ACLY: variants seen among roughly 807,000 people sequenced by gnomAD.
ACLY encodes ATP citrate lyase, also known as ATP-citrate synthase.
A neutral mutation model predicts 133.0 loss-of-function variants in ACLY; 41 were observed. The observed-to-expected ratio is 0.31, with a 90% CI of 0.24 to 0.40. The LOEUF is 0.40. Among genes scored for constraint, ACLY ranks in the 10% least tolerant of loss-of-function variants. The probability of loss-of-function intolerance (pLI) is 1.00; values close to 1 mark genes in which losing one functional copy is unlikely to be tolerated. For synonymous variants in ACLY, 495 were observed against 549.3 expected, an observed-to-expected ratio of 0.90 and a Z score of 1.38; for missense variants, 1,046 against 1,453.8, an observed-to-expected ratio of 0.72 and a Z score of 4.56.
intron 13 of ACLY, among the ~76,000 whole-genome samples, 183 bp from the exon 14 acceptor site, chr17:41,896,832 T>A (rs368762047): frequency 6.6e-6 from 1 of 152,138 alleles, no homozygotes; most frequent in African/African-American, 2.4e-5. Flanking sequence ...AAAGCACCGA[T>A]GAGCAGAATG....
intron 11 of ACLY, among the ~76,000 whole-genome samples, chr17:41,899,017 G>GT (rs2049450748): frequency 6.6e-6 from 1 of 152,202 alleles, no homozygotes; most frequent in Non-Finnish European, 1.5e-5. Flanking sequence ...GCTCACACCT[G>GT]TAATCCCAGC....
intron 20 of ACLY, among the ~76,000 whole-genome samples, chr17:41,882,680 C>T (rs1191735773): frequency 6.6e-6 from 1 of 152,150 alleles, no homozygotes; most frequent in Non-Finnish European, 1.5e-5. Context: ...TTTAACACAT[C>T]AAGAACAAAC....
intron 10 of ACLY, 50 bp downstream of exon 10, chr17:41,904,679 T>C: frequency 6.3e-7 from 1 of 1,576,226 alleles, no homozygotes; most frequent in Non-Finnish European, 8.7e-7. Context: ...CCTTCCCTGC[T>C]TTCCCCAAAC....
chr17:41,919,430 G>C (rs1411205814), upstream of ACLY, among the ~76,000 whole-genome samples: 4 of 152,240 alleles, frequency 2.6e-5, no homozygotes, highest in Non-Finnish European at 5.9e-5. Flanking sequence ...CGATTGCTTA[G>C]ACAGTCTCCT....
At chr17:41,892,920 T>G in intron 15 of ACLY, 113 bp downstream of exon 15, 1 of 1,353,624 alleles carries the variant, frequency 7.4e-7, no homozygotes, top group Non-Finnish European at 1.0e-6. Context: ...CTCAAGCAGT[T>G]CTCCCACCTC....
intron 4 of ACLY, 91 bp from the exon 5 acceptor site, chr17:41,909,791 A>G: frequency 8.5e-7 from 1 of 1,179,392 alleles, no homozygotes; most frequent in Non-Finnish European, 1.2e-6. Context: ...TCTACCATGT[A>G]CTGGGAGAGG....
intron 17 of ACLY, among the ~76,000 whole-genome samples, chr17:41,887,364 G>A (rs1172690391): frequency 4.0e-5 from 6 of 151,890 alleles, no homozygotes; most frequent in East Asian, 3.9e-4. Flanking sequence ...ACTTGAACCC[G>A]GAAGCGGAGG....
At chr17:41,916,900 T>C (rs1210264114) in intron 1 of ACLY, among the ~76,000 whole-genome samples, 1 of 151,882 alleles carries the variant, frequency 6.6e-6, no homozygotes, top group African/African-American at 2.4e-5. Context: ...ATCCCAGCAC[T>C]TCGGGAGGCC....
intron 11 of ACLY, among the ~76,000 whole-genome samples, chr17:41,900,387 G>GA (rs76063924): frequency 0.88 from 133,230 of 150,760 alleles, 59,241 homozygotes; most frequent in East Asian, 1. Flanking sequence ...AGAAAAAAAA[G>GA]AAAAAAAATT....
Position 41,879,815 on chromosome 17 carries a change from C to A in ACLY, c.2266-891G>T, listed in dbSNP as rs1267147240. Among the ~76,000 whole-genome samples, 7 of 151,262 alleles carry A rather than the reference C, an allele frequency of 4.6e-5. No homozygotes were observed. In the South Asian group the frequency reaches 6.3e-4, roughly 14 times the overall value. ...CTCACTGCAGCCTCAACCTCCCAGG[C>A]TCGGGTGATTCTCCCACCTCCTCCC... On this transcript the variant is annotated intron_variant, in intron 20 of 28. Coordinates refer to ENST00000352035, the MANE Select transcript of ACLY (RefSeq NM_001096.3).
Position 41,878,826 on chromosome 17 carries a change from C to T in ACLY, c.2364G>A (p.Arg788=). 6.2e-7 allele frequency: 1 copy of T among 1,614,046 alleles called. No individual in the cohort carries two copies. ...TGATCTCTCCAAGCTCATCAAAGCTCCGGGGCACAAACACTCCTGCTTCCT... is the reference window on the plus strand; with the variant it reads ...TGATCTCTCCAAGCTCATCAAAGCTTCGGGGCACAAACACTCCTGCTTCCT... ...ALKEAGVFVP[R]SFDELGEIIQ... Residue 788 remains arginine, a synonymous_variant, in exon 21 of 29, where the codon CGG becomes CGA. Transcript: ENST00000352035.
chr17:41,891,690 T>A (rs930469615), intron 16 of ACLY, among the ~76,000 whole-genome samples: 1 of 151,988 alleles, frequency 6.6e-6, no homozygotes, highest in African/African-American at 2.4e-5. Context: ...GCGTATATTT[T>A]ATTTTACTTT....
chr17:41,910,223 T>C lies in ACLY; in HGVS notation c.344A>G (p.Gln115Arg), dbSNP rs2049859234. The C allele has an allele frequency of 1.2e-6, 2 of 1,613,390 alleles. No homozygotes were observed. Among genetic ancestry groups the C allele is most frequent in the Non-Finnish European group, 1.7e-6 (2 of 1,179,770 alleles). ...AGCCTGGAGCCGCCTCACACATACC[T>C]GACTGTGGGGGACGAAGGGCTCGAT... is the stretch of plus-strand genomic sequence containing the variant. ...FLIEPFVPHS[Q>R]AEEFYVCIYA... Residue 115 changes from glutamine (Q) to arginine (R), a missense_variant and splice_region_variant, in exon 4 of 29, where the codon CAG becomes CGG. Coordinates refer to ENST00000352035, the MANE Select transcript of ACLY (RefSeq NM_001096.3).
In ACLY at chr17:41,882,367, C is replaced by CAA. The variant is rs34078258; in HGVS notation, c.2265+753_2265+754dup. Among the ~76,000 whole-genome samples the CAA allele has an allele frequency of 8.7e-3, 348 of 40,224 alleles. 37 individuals are homozygous for CAA. Among genetic ancestry groups the CAA allele is most frequent in the African/African-American group, 0.035 (332 of 9,360 alleles). The allele number at this position is 40,224 out of a possible 152,430, so 26.4% of individuals were successfully genotyped here. Reference sequence around the variant, plus strand: ...GGGCGACAGAGTGAGACCCTGTCTCCAAAAAAAAAAAAAAAAAAAAAAAAA... The same window carrying CAA: ...GGGCGACAGAGTGAGACCCTGTCTCCAAAAAAAAAAAAAAAAAAAAAAAAAAA... On this transcript the variant is annotated intron_variant, in intron 20 of 28. Transcript: ENST00000352035.
chr17:41,913,749 C>A lies in ACLY; in HGVS notation c.125G>T (p.Arg42Leu). Residue 42 changes from arginine (R) to leucine (L), a missense_variant, in exon 2 of 29, where the codon CGC becomes CTC. Arg to Leu is a moderately radical substitution (Grantham distance 102). Coordinates refer to ENST00000352035, the MANE Select transcript of ACLY (RefSeq NM_001096.3). ...CAGCCAGGGGTGGTCCTGCAGCAAG[C>A]GGGCCCAGTCTGTGTCAGGAGTGAC... Reference protein sequence around the residue: ...ARVTPDTDWARLLQDHPWLLS... With the variant: ...ARVTPDTDWALLLQDHPWLLS... 1 of 1,614,170 alleles carries A rather than the reference C, an allele frequency of 6.2e-7. No individual in the cohort carries two copies. The highest frequency in any genetic ancestry group is 8.5e-7 in the Non-Finnish European group (1 of 1,180,026).
chr17:41,868,610 A>G (rs1219455855), intron 28 of ACLY, 99 bp downstream of exon 28: 3 of 735,756 alleles, frequency 4.1e-6, no homozygotes, highest in Non-Finnish European at 4.0e-6. Flanking sequence ...TAAAAAAAAA[A>G]AAAAAGAAAG....
intron 1 of ACLY, among the ~76,000 whole-genome samples, chr17:41,918,006 C>T (rs530707558): frequency 1.3e-5 from 2 of 152,338 alleles, no homozygotes; most frequent in East Asian, 3.9e-4. Context: ...TTCCAAAATC[C>T]TCTTCCCAGG....
chr17:41,883,460 C>T (rs2048971275), intron 19 of ACLY, among the ~76,000 whole-genome samples: 1 of 152,032 alleles, frequency 6.6e-6, no homozygotes, highest in African/African-American at 2.4e-5. Context: ...ATTAGACCTG[C>T]CTTCAGAGGT....
intron 11 of ACLY, 110 bp from the exon 12 acceptor site, chr17:41,898,895 C>T: frequency 9.4e-7 from 1 of 1,067,100 alleles, no homozygotes; most frequent in Non-Finnish European, 1.3e-6. Flanking sequence ...TTGGCGCATT[C>T]AGTGCAAGAC....
Sources: allele counts gnomAD v4.1 joint callset (sites outside exome capture counted in the v4.1 genomes callset), GRCh38; gene constraint gnomAD v4.1.1; transcripts MANE v1.5; gene names NCBI Gene and HGNC (gene_info 2026-07-23, HGNC 2026-07-21).